Variants in CADPS observed in about 807,000 individuals in gnomAD.
The protein encoded by CADPS is calcium-dependent secretion activator 1.
CADPS carries 57 observed loss-of-function variants against 167.3 expected under a neutral mutation model. The observed-to-expected ratio is 0.34, with a 90% CI of 0.28 to 0.42. The LOEUF is 0.42. CADPS is among the 20% of genes least tolerant of loss of function. The pLI, the probability that CADPS is intolerant of heterozygous loss-of-function variation, is 1.00. For missense variants in CADPS, 1,414 were observed against 1,738.1 expected (o/e 0.81, Z 3.32); for synonymous variants, 676 against 635.3 (o/e 1.06, Z -0.96).
chr3:62,482,018 A>G (rs2062091210), intron 21 of CADPS, 149 bp from the exon 22 acceptor site: 1 of 757,290 alleles, frequency 1.3e-6, no homozygotes. Flanking sequence ...AGCAGCTTAC[A>G]GATGGGAAGC....
intron 28 of CADPS, among the ~76,000 whole-genome samples, chr3:62,435,433 C>G (rs2054800913): frequency 1.3e-5 from 2 of 152,176 alleles, no homozygotes; most frequent in South Asian, 4.1e-4. Context: ...TATAGAAAAA[C>G]AGTAAGTACT....
At chr3:62,460,385 T>A (rs762030548) in intron 26 of CADPS, among the ~76,000 whole-genome samples, 9 of 152,230 alleles carry the variant, frequency 5.9e-5, no homozygotes, top group Non-Finnish European at 1.2e-4. Flanking sequence ...CTGGTGATGT[T>A]ACCCTCTGGA....
At chr3:62,408,332 A>G (rs1014370414) in intron 28 of CADPS, among the ~76,000 whole-genome samples, 3 of 152,114 alleles carry the variant, frequency 2.0e-5, no homozygotes, top group Non-Finnish European at 2.9e-5. Flanking sequence ...ACTAATTTTG[A>G]TTTTATAAAA....
chr3:62,464,281 G>A (rs2059697816), intron 26 of CADPS, among the ~76,000 whole-genome samples: 1 of 152,146 alleles, frequency 6.6e-6, no homozygotes, highest in Non-Finnish European at 1.5e-5. Flanking sequence ...TGGATCTGTT[G>A]GATTCCAAGG....
chr3:62,806,361 T>TAAA (rs11328861), intron 1 of CADPS, among the ~76,000 whole-genome samples: 2 of 138,010 alleles, frequency 1.4e-5, no homozygotes, highest in East Asian at 4.3e-4. Context: ...CGTCTTTAGT[T>TAAA]AAAAAAAAAA....
rs543537461 is a variant in CADPS at position 62,817,719 on chromosome 3, T to C, written c.442-51735A>G. ...GTACTGTGTAAATCAGTATGAAAAT[T>C]CAAGAAATTACCTAGTAGAAAGAAG... On this transcript the variant is annotated intron_variant, in intron 1 of 29. Coordinates refer to ENST00000383710, the MANE Select transcript of CADPS (RefSeq NM_003716.4). Among the ~76,000 whole-genome samples, 62 of 152,264 alleles carry C rather than the reference T, an allele frequency of 4.1e-4. No homozygotes were observed. The South Asian group carries it at 4.1e-3, about 10-fold the overall frequency.
intron 26 of CADPS, 122 bp from the exon 27 acceptor site, chr3:62,445,919 A>T: frequency 3.5e-6 from 2 of 576,438 alleles, no homozygotes; most frequent in Non-Finnish European, 5.7e-6. Flanking sequence ...ACCAGGAAAA[A>T]CAGAAAGGTA....
In CADPS at chr3:62,715,674, G is replaced by GT. The variant is rs1232123493; in HGVS notation, c.888+37766dup. ...ATACCATCAGACTATGCTAATTCAC[G>GT]TTTATCCCTTGCTTGTGGACAAGAA... On this transcript the variant is annotated intron_variant, in intron 3 of 29. Transcript: ENST00000383710. 3.4e-5 allele frequency among the ~76,000 whole-genome samples: 5 copies of GT among 148,414 alleles called. No individual in the cohort carries two copies. In the South Asian group the frequency reaches 6.4e-4, roughly 19 times the overall value.
chr3:62,847,284 T>TG (rs1183043762), intron 1 of CADPS, among the ~76,000 whole-genome samples: 1 of 143,944 alleles, frequency 6.9e-6, no homozygotes, highest in African/African-American at 2.9e-5. Context: ...TTTTTAACTT[T>TG]TTTTTTTTTA....
chr3:62,724,361 A>G (rs997776208), intron 3 of CADPS, among the ~76,000 whole-genome samples: 3 of 152,208 alleles, frequency 2.0e-5, no homozygotes. Context: ...AATGGCATGC[A>G]GCTCAGAAGT....
intron 8 of CADPS, among the ~76,000 whole-genome samples, chr3:62,573,040 T>C (rs1248076192): frequency 2.0e-5 from 3 of 152,048 alleles, no homozygotes; most frequent in African/African-American, 4.8e-5. Flanking sequence ...CACCACCATG[T>C]CCGGCTAATT....
intron 1 of CADPS, among the ~76,000 whole-genome samples, chr3:62,800,608 G>T (rs545198494): frequency 6.6e-6 from 1 of 152,082 alleles, no homozygotes; most frequent in African/African-American, 2.4e-5. Flanking sequence ...ACAGATTTGC[G>T]TTATCCTTGT....
At chr3:62,711,540 T>A (rs759995718) in intron 3 of CADPS, among the ~76,000 whole-genome samples, 19 of 152,226 alleles carry the variant, frequency 1.2e-4, no homozygotes, top group Non-Finnish European at 2.6e-4. Context: ...CTTGTCTAAT[T>A]GCTATTTTTC....
At position 62,740,115 on chromosome 3, in the gene CADPS, C is replaced by T. The variant is rs114760674; in HGVS notation, c.888+13326G>A. Among the ~76,000 whole-genome samples, 422 of 152,290 alleles carry T rather than the reference C, an allele frequency of 2.8e-3. 1 individual carries two copies. The highest frequency in any genetic ancestry group is 9.9e-3 in the African/African-American group (411 of 41,574). Reference sequence around the variant, plus strand: ...ACTGAGCATGGCTGTAGGTTTTAGACTATGGGTTGCTTCGGAGTTGGCTTA... The same window carrying T: ...ACTGAGCATGGCTGTAGGTTTTAGATTATGGGTTGCTTCGGAGTTGGCTTA... On this transcript the variant is annotated intron_variant, in intron 3 of 29. Transcript: ENST00000383710.
intron 22 of CADPS, 94 bp downstream of exon 22, chr3:62,481,629 T>A: frequency 8.8e-7 from 1 of 1,135,846 alleles, no homozygotes; most frequent in Non-Finnish European, 1.2e-6. Context: ...TCCATCTCCA[T>A]CTCTGTTATA....
intron 16 of CADPS, among the ~76,000 whole-genome samples, chr3:62,515,004 C>T (rs1007899269): frequency 1.3e-5 from 2 of 152,082 alleles, no homozygotes; most frequent in Non-Finnish European, 2.9e-5. Flanking sequence ...TTTGCATTGT[C>T]AGACAGACAA....
intron 3 of CADPS, among the ~76,000 whole-genome samples, chr3:62,738,770 C>A (rs2079557332): frequency 6.6e-6 from 1 of 152,052 alleles, no homozygotes; most frequent in South Asian, 2.1e-4. Context: ...ATTGCTTTTT[C>A]ATTAGGAGAG....
intron 21 of CADPS, among the ~76,000 whole-genome samples, chr3:62,489,988 G>C (rs1195562497): frequency 6.6e-6 from 1 of 152,144 alleles, no homozygotes; most frequent in Non-Finnish European, 1.5e-5. Flanking sequence ...TTGCAAAGGA[G>C]GAGCTACTGG....
chr3:62,533,145 G>T, intron 12 of CADPS, 87 bp from the exon 13 acceptor site: 1 of 1,164,140 alleles, frequency 8.6e-7, no homozygotes, highest in Non-Finnish European at 1.2e-6. Flanking sequence ...TAGAGAAGGG[G>T]ACTGAAAAAT....
Sources: allele counts gnomAD v4.1 joint callset (sites outside exome capture counted in the v4.1 genomes callset), GRCh38; gene constraint gnomAD v4.1.1; transcripts MANE v1.5; gene names NCBI Gene and HGNC (gene_info 2026-07-23, HGNC 2026-07-21).